ANKS1B: variants seen among roughly 807,000 people sequenced by gnomAD.
The protein encoded by ANKS1B is ankyrin repeat and sterile alpha motif domain containing 1B.
ANKS1B carries 36 observed loss-of-function variants against 148.3 expected under a neutral mutation model. That is an observed-to-expected ratio of 0.24 (90% CI 0.19 to 0.32). ANKS1B has a LOEUF of 0.32. Among genes scored for constraint, ANKS1B ranks in the 10% least tolerant of loss-of-function variants. The pLI is 1.00. For synonymous variants in ANKS1B, 542 were observed against 560.8 expected, an observed-to-expected ratio of 0.97 and a Z score of 0.47; for missense variants, 1,157 against 1,542.6, an observed-to-expected ratio of 0.75 and a Z score of 4.19.
rs60264932 is a variant in ANKS1B, at chr12:99,909,217, C to CGTGT, written c.134+74883_134+74886dup. Reference sequence around the variant, plus strand: ...TTTTTAAGGCTGGACAATATTCCATCGTGTGTGTGTGTGTGTGTGTGTGTG... The same window carrying CGTGT: ...TTTTTAAGGCTGGACAATATTCCATCGTGTGTGTGTGTGTGTGTGTGTGTGTGTG... On this transcript the variant is annotated intron_variant, in intron 1 of 26. Transcript: ENST00000683438. Among the ~76,000 whole-genome samples the CGTGT allele has an allele frequency of 7.9e-3, 1,085 of 137,338 alleles. 4 individuals are homozygous for CGTGT. The highest frequency in any genetic ancestry group is 0.01 in the Admixed American group (141 of 13,722). The allele number at this position is 137,338 out of a possible 152,430, so 90.1% of individuals were successfully genotyped here.
chr12:98,975,011 C>T (rs868824726), intron 17 of ANKS1B, among the ~76,000 whole-genome samples: 1 of 132,920 alleles, frequency 7.5e-6, no homozygotes, highest in Non-Finnish European at 1.6e-5. Flanking sequence ...CTTCCTTCCT[C>T]CCTCCCTCCC....
At chr12:99,032,350 T>C (rs1049012550) in intron 17 of ANKS1B, among the ~76,000 whole-genome samples, 3 of 152,200 alleles carry the variant, frequency 2.0e-5, no homozygotes, top group Non-Finnish European at 4.4e-5. Context: ...GCCAGAATTC[T>C]GAAATCAGTG....
At chr12:98,987,221 A>C (rs1387462317) in intron 17 of ANKS1B, among the ~76,000 whole-genome samples, 2 of 151,886 alleles carry the variant, frequency 1.3e-5, no homozygotes, top group African/African-American at 4.8e-5. Context: ...ATAGCATACA[A>C]GATAAGAAGT....
intron 1 of ANKS1B, among the ~76,000 whole-genome samples, chr12:99,889,360 C>T (rs945127674): frequency 4.6e-5 from 7 of 152,174 alleles, no homozygotes; most frequent in African/African-American, 1.7e-4. Context: ...GGCTTTTATG[C>T]TCTTGTCCAC....
chr12:99,398,373 A>G (rs1427174333), intron 12 of ANKS1B, among the ~76,000 whole-genome samples: 1 of 152,158 alleles, frequency 6.6e-6, no homozygotes, highest in Admixed American at 6.6e-5. Context: ...ATATATACAC[A>G]TACACTCACT....
At position 99,246,110 on chromosome 12, in the gene ANKS1B, T is replaced by C. The variant is rs138528843; in HGVS notation, c.2346+165A>G. ...GAACAGTGTTTGTTTTTATACTTGCTGTGAAATTACCATGCATTACCCACA... is the reference window on the plus strand; with the variant it reads ...GAACAGTGTTTGTTTTTATACTTGCCGTGAAATTACCATGCATTACCCACA... On this transcript the variant is annotated intron_variant, in intron 13 of 26. Coordinates refer to ENST00000683438, the MANE Select transcript of ANKS1B (RefSeq NM_001352186.2). 9.4e-3 allele frequency among the ~76,000 whole-genome samples: 1,424 copies of C among 152,268 alleles called. 9 individuals are homozygous for C. Among genetic ancestry groups the C allele is most frequent in the Middle Eastern group, 0.014 (4 of 294 alleles).
At chr12:99,869,244 C>G in intron 1 of ANKS1B, among the ~76,000 whole-genome samples, 1 of 151,844 alleles carries the variant, frequency 6.6e-6, no homozygotes, top group East Asian at 1.9e-4. Context: ...ATAAAAAAAT[C>G]AAGAGAATTT....
At chr12:99,680,630 G>A (rs11109992) in intron 8 of ANKS1B, among the ~76,000 whole-genome samples, 1 of 152,120 alleles carries the variant, frequency 6.6e-6, no homozygotes, top group Admixed American at 6.5e-5. Flanking sequence ...GGGCAGAATC[G>A]GGGGAGGGGG....
chr12:99,194,978 G>T (rs528252073), intron 14 of ANKS1B, among the ~76,000 whole-genome samples: 1 of 152,044 alleles, frequency 6.6e-6, no homozygotes, highest in African/African-American at 2.4e-5. Flanking sequence ...AAAATAAAAA[G>T]GTTTTTTTAA....
chr12:98,925,751 C>T (rs1056281123), intron 17 of ANKS1B, among the ~76,000 whole-genome samples: 5 of 152,214 alleles, frequency 3.3e-5, no homozygotes, highest in Middle Eastern at 3.4e-3. Flanking sequence ...TGAAGCTCCC[C>T]CAAAATTCCC....
At chr12:98,837,557 C>T (rs979014495) in intron 17 of ANKS1B, among the ~76,000 whole-genome samples, 1 of 152,142 alleles carries the variant, frequency 6.6e-6, no homozygotes, top group Non-Finnish European at 1.5e-5. Flanking sequence ...GGAAACCCCA[C>T]TGTGAATCTC....
chr12:99,827,786 C>A (rs1870777406), intron 1 of ANKS1B, among the ~76,000 whole-genome samples: 1 of 152,194 alleles, frequency 6.6e-6, no homozygotes, highest in Non-Finnish European at 1.5e-5. Flanking sequence ...CACACACACA[C>A]TGCTAATAGG....
At chr12:99,616,256 C>A (rs2097958885) in intron 9 of ANKS1B, among the ~76,000 whole-genome samples, 1 of 152,138 alleles carries the variant, frequency 6.6e-6, no homozygotes, top group Non-Finnish European at 1.5e-5. Context: ...CATCAAGCTA[C>A]CATTGAATTT....
At chr12:99,492,419 C>T (rs760674388) in intron 10 of ANKS1B, among the ~76,000 whole-genome samples, 1 of 152,038 alleles carries the variant, frequency 6.6e-6, no homozygotes, top group Non-Finnish European at 1.5e-5. Context: ...AATAGCCTAA[C>T]AACCAAAAAA....
At chr12:99,648,353 T>G in intron 9 of ANKS1B, 1 of 1,614,140 alleles carries the variant, frequency 6.2e-7, no homozygotes, top group Non-Finnish European at 8.5e-7. Context: ...GGAGAAGTGA[T>G]TGACGTGCAC....
intron 11 of ANKS1B, among the ~76,000 whole-genome samples, chr12:99,429,408 G>A (rs1269441518): frequency 6.6e-6 from 1 of 152,100 alleles, no homozygotes; most frequent in Non-Finnish European, 1.5e-5. Context: ...CAAAATAGCT[G>A]ACCTGTTATA....
intron 17 of ANKS1B, among the ~76,000 whole-genome samples, chr12:98,933,448 G>C (rs1336051634): frequency 6.6e-6 from 1 of 152,080 alleles, no homozygotes; most frequent in Non-Finnish European, 1.5e-5. Flanking sequence ...GAATAGTGCT[G>C]CTGTGAATAT....
intron 8 of ANKS1B, among the ~76,000 whole-genome samples, chr12:99,764,282 G>C (rs889887099): frequency 1.3e-5 from 2 of 152,144 alleles, no homozygotes; most frequent in African/African-American, 4.8e-5. Flanking sequence ...TTAATACAAA[G>C]CAGCATAATG....
chr12:99,537,586 C>T (rs532610482), intron 9 of ANKS1B, among the ~76,000 whole-genome samples: 1 of 152,244 alleles, frequency 6.6e-6, no homozygotes, highest in East Asian at 1.9e-4. Flanking sequence ...ATATTCAAAT[C>T]TTTTGCTCAT....
Sources: gnomAD v4.1 joint callset for allele counts (sites outside exome capture counted in the v4.1 genomes callset) on GRCh38, gnomAD v4.1.1 for gene constraint, MANE v1.5 for transcripts, NCBI Gene and HGNC (gene_info 2026-07-23, HGNC 2026-07-21) for gene names.